Variants in DOCK4 observed in about 807,000 individuals in gnomAD.
DOCK4 encodes dedicator of cytokinesis 4.
Under a neutral mutation model 268.1 loss-of-function variants are expected in DOCK4, and 97 were observed. The observed-to-expected ratio is 0.36, with a 90% CI of 0.31 to 0.43. The LOEUF (loss-of-function observed/expected upper bound fraction) is 0.43. Ranked by LOEUF, DOCK4 falls within the 20% of genes least tolerant of loss-of-function variation. The pLI, the probability that DOCK4 is intolerant of heterozygous loss-of-function variation, is 1.00. For synonymous variants in DOCK4, 954 were observed against 887.2 expected (o/e 1.08, Z -1.34); for missense variants, 2,145 against 2,455.7 (o/e 0.87, Z 2.67).
intron 1 of DOCK4, among the ~76,000 whole-genome samples, chr7:112,050,511 T>A (rs747990085): frequency 6.6e-6 from 1 of 152,132 alleles, no homozygotes; most frequent in Non-Finnish European, 1.5e-5. Flanking sequence ...TTTCAATTAG[T>A]CTTCCACATT....
At chr7:111,938,840 TG>T (rs1562913920) in intron 11 of DOCK4, among the ~76,000 whole-genome samples, 4 of 152,012 alleles carry the variant, frequency 2.6e-5, no homozygotes, top group Admixed American at 2.0e-4. Context: ...CCAGGCATGG[TG>T]GCATGCGCCT....
chr7:111,946,456 T>C (rs933889802), intron 8 of DOCK4, among the ~76,000 whole-genome samples: 4 of 152,150 alleles, frequency 2.6e-5, no homozygotes, highest in Admixed American at 1.3e-4. Context: ...CTGGGCAACA[T>C]AGAAACCTCT....
At chr7:111,919,344 G>A (rs1253596343) in intron 12 of DOCK4, among the ~76,000 whole-genome samples, 1 of 152,034 alleles carries the variant, frequency 6.6e-6, no homozygotes, top group Non-Finnish European at 1.5e-5. Flanking sequence ...AGAGAGCAAG[G>A]GCCACAGAGG....
chr7:112,146,802 T>C (rs576636248), intron 1 of DOCK4, among the ~76,000 whole-genome samples: 1 of 152,284 alleles, frequency 6.6e-6, no homozygotes, highest in East Asian at 1.9e-4. Context: ...CTTCATCCCA[T>C]CTAATTTCTT....
chr7:112,204,882 A>AACACACACAC (rs34706974), intron 1 of DOCK4, among the ~76,000 whole-genome samples: 19 of 149,912 alleles, frequency 1.3e-4, no homozygotes, highest in Non-Finnish European at 1.9e-4. Flanking sequence ...TCAATTTTAA[A>AACACACACAC]ACACACACAC....
chr7:112,028,841 G>A (rs1003685098), intron 1 of DOCK4, among the ~76,000 whole-genome samples: 1 of 152,148 alleles, frequency 6.6e-6, no homozygotes, highest in African/African-American at 2.4e-5. Flanking sequence ...TAGACAACAA[G>A]CATTTCACAC....
intron 1 of DOCK4, among the ~76,000 whole-genome samples, chr7:112,129,755 C>G (rs576202490): frequency 1.3e-5 from 2 of 152,196 alleles, no homozygotes; most frequent in Admixed American, 1.3e-4. Flanking sequence ...TTAGCTCATT[C>G]ATATGTAGAA....
chr7:111,970,775 G>A (rs1226919450), intron 8 of DOCK4, among the ~76,000 whole-genome samples: 1 of 152,180 alleles, frequency 6.6e-6, no homozygotes, highest in East Asian at 1.9e-4. Context: ...ACATAAACAA[G>A]TGAGGAAGGT....
intron 1 of DOCK4, among the ~76,000 whole-genome samples, chr7:112,183,260 C>T (rs1175002864): frequency 6.6e-6 from 1 of 151,580 alleles, no homozygotes; most frequent in African/African-American, 2.4e-5. Context: ...ATGGAAGGTC[C>T]TCCATTTGGG....
At chr7:111,860,573 C>T (rs1423232697) in intron 23 of DOCK4, among the ~76,000 whole-genome samples, 1 of 152,224 alleles carries the variant, frequency 6.6e-6, no homozygotes, top group East Asian at 1.9e-4. Flanking sequence ...CCTTCCCACA[C>T]AACATGAGCA....
chr7:112,074,933 A>G (rs1239225293), intron 1 of DOCK4, among the ~76,000 whole-genome samples: 1 of 152,152 alleles, frequency 6.6e-6, no homozygotes, highest in East Asian at 1.9e-4. Context: ...AAATAACCCA[A>G]TCTCTTTCCT....
intron 1 of DOCK4, among the ~76,000 whole-genome samples, chr7:112,022,816 C>T (rs13240746): frequency 0.28 from 42,609 of 152,058 alleles, 7,899 homozygotes; most frequent in Non-Finnish European, 0.42. Flanking sequence ...TTCTTAATAT[C>T]CAAACTCTGG....
intron 1 of DOCK4, among the ~76,000 whole-genome samples, chr7:112,046,099 A>G (rs1464755892): frequency 6.6e-6 from 1 of 152,096 alleles, no homozygotes; most frequent in Non-Finnish European, 1.5e-5. Context: ...AACTCAAAAC[A>G]TCCTTATCAT....
At chr7:112,003,960 A>G in intron 2 of DOCK4, 88 bp downstream of exon 2, 1 of 986,632 alleles carries the variant, frequency 1.0e-6, no homozygotes, top group Non-Finnish European at 1.4e-6. Context: ...CTACTGGAAA[A>G]GTTCCAGAGA....
At chr7:111,902,356 G>A (rs1010123973) in intron 13 of DOCK4, among the ~76,000 whole-genome samples, 8 of 152,000 alleles carry the variant, frequency 5.3e-5, no homozygotes, top group East Asian at 1.9e-4. Context: ...AGACAAACTC[G>A]GCTTAATATT....
chr7:111,930,480 G>GT (rs1451088236), intron 12 of DOCK4, among the ~76,000 whole-genome samples: 4 of 152,184 alleles, frequency 2.6e-5, no homozygotes, highest in Non-Finnish European at 4.4e-5. Flanking sequence ...TCAAAGTTGC[G>GT]TTTTTTTCTC....
At chr7:112,018,706 A>AT (rs1802074688) in intron 1 of DOCK4, among the ~76,000 whole-genome samples, 1 of 111,504 alleles carries the variant, frequency 9.0e-6, no homozygotes, top group African/African-American at 3.5e-5. Flanking sequence ...CACCCCACCC[A>AT]TTTTTTCATG....
At chr7:112,053,175 C>T (rs1004782226) in intron 1 of DOCK4, among the ~76,000 whole-genome samples, 1 of 152,172 alleles carries the variant, frequency 6.6e-6, no homozygotes, top group African/African-American at 2.4e-5. Flanking sequence ...CAGGCCATAA[C>T]TCTTACTAAT....
At chr7:112,172,659 C>A in intron 1 of DOCK4, among the ~76,000 whole-genome samples, 1 of 152,086 alleles carries the variant, frequency 6.6e-6, no homozygotes, top group African/African-American at 2.4e-5. Context: ...GAAATAAATT[C>A]ATGAACAGTA....
Sources: gnomAD v4.1 joint callset for allele counts (sites outside exome capture counted in the v4.1 genomes callset) on GRCh38, gnomAD v4.1.1 for gene constraint, MANE v1.5 for transcripts, NCBI Gene and HGNC (gene_info 2026-07-23, HGNC 2026-07-21) for gene names.